Variants in CELF4 observed in about 807,000 individuals in gnomAD.
The protein encoded by CELF4 is CUG-BP- and ETR-3-like factor 4.
In CELF4, 18 loss-of-function variants were observed where a neutral mutation model predicts 59.9. That is an observed-to-expected ratio of 0.30 (90% CI 0.21 to 0.45). CELF4 has a LOEUF of 0.45. Among genes scored for constraint, CELF4 ranks in the 20% least tolerant of loss-of-function variants. CELF4 has a pLI of 1.00. For missense variants in CELF4, 456 were observed against 689.0 expected (o/e 0.66, Z 3.79); for synonymous variants, 261 against 267.1 (o/e 0.98, Z 0.22).
At chr18:37,381,214 C>T (rs984836044) in intron 2 of CELF4, among the ~76,000 whole-genome samples, 44 of 152,322 alleles carry the variant, frequency 2.9e-4, no homozygotes, top group African/African-American at 9.9e-4. Flanking sequence ...CCAGGCCGTA[C>T]ACTAGTACTG....
intron 2 of CELF4, among the ~76,000 whole-genome samples, chr18:37,408,496 G>GGC (rs2068998216): frequency 2.2e-4 from 4 of 18,040 alleles, no homozygotes; most frequent in Non-Finnish European, 1.1e-3. Flanking sequence ...TGGTGCCGGG[G>GGC]GGGGGCGCGG....
Position 37,270,765 on chromosome 18 carries a change from T to C in CELF4, c.1099+3A>G. The C allele has an allele frequency of 6.2e-7, 1 of 1,613,950 alleles. No homozygotes were observed. Among genetic ancestry groups the C allele is most frequent in the East Asian group, 2.2e-5 (1 of 44,870 alleles). ...GGAAATAAGTGCTGACAGATGTGCT[T>C]ACCTGGGTAGGGGTGGATGCCATTG... On this transcript the variant is annotated splice_donor_region_variant and intron_variant, in intron 8 of 12. Coordinates refer to ENST00000420428, the MANE Select transcript of CELF4 (RefSeq NM_020180.4).
intron 11 of CELF4, 92 bp downstream of exon 11, chr18:37,259,089 G>A (rs1325771775): frequency 1.9e-6 from 3 of 1,595,394 alleles, no homozygotes; most frequent in Admixed American, 3.5e-5. Flanking sequence ...CCTGTCCTAG[G>A]TGAAGCTAAT....
At chr18:37,346,183 C>G (rs2098251449) in intron 2 of CELF4, among the ~76,000 whole-genome samples, 1 of 152,202 alleles carries the variant, frequency 6.6e-6, no homozygotes, top group Admixed American at 6.5e-5. Flanking sequence ...TGCCTGCCCC[C>G]ACCTCCTCCA....
chr18:37,391,645 G>A (rs1211587369), intron 2 of CELF4, among the ~76,000 whole-genome samples: 1 of 152,214 alleles, frequency 6.6e-6, no homozygotes, highest in Admixed American at 6.5e-5. Context: ...ATGGCGACCA[G>A]GTCAGGGTCC....
intron 2 of CELF4, among the ~76,000 whole-genome samples, chr18:37,357,810 C>T (rs1215116104): frequency 6.6e-6 from 1 of 152,138 alleles, no homozygotes; most frequent in Non-Finnish European, 1.5e-5. Flanking sequence ...GAGTCAAAGG[C>T]GATCATTTTG....
Position 37,428,246 on chromosome 18 carries a change from G to C in CELF4, c.369+57279C>G, listed in dbSNP as rs964944700. Among the ~76,000 whole-genome samples the C allele has an allele frequency of 6.6e-5, 10 of 152,316 alleles. 1 individual carries two copies. The highest frequency in any genetic ancestry group is 6.8e-3 in the Middle Eastern group (2 of 294). On this transcript the variant is annotated intron_variant, in intron 2 of 12. Transcript: ENST00000420428. Reference sequence around the variant, plus strand: ...AAACAGGGAATAATCAGGGTGATGAGAGGAAAGTAAAAGATTTGGCCAGTG... The same window carrying C: ...AAACAGGGAATAATCAGGGTGATGACAGGAAAGTAAAAGATTTGGCCAGTG...
intron 2 of CELF4, among the ~76,000 whole-genome samples, chr18:37,442,394 C>T (rs983674367): frequency 6.6e-6 from 1 of 152,174 alleles, no homozygotes; most frequent in Non-Finnish European, 1.5e-5. Context: ...TACTTAAAAA[C>T]TAGATCTCAG....
At chr18:37,557,468 A>G (rs1049212984) in intron 1 of CELF4, among the ~76,000 whole-genome samples, 1 of 152,228 alleles carries the variant, frequency 6.6e-6, no homozygotes, top group African/African-American at 2.4e-5. Context: ...CCAACAGCTA[A>G]GAGGGAAGAA....
At chr18:37,249,011 G>C (rs1282396480) in intron 12 of CELF4, among the ~76,000 whole-genome samples, 1 of 152,102 alleles carries the variant, frequency 6.6e-6, no homozygotes, top group African/African-American at 2.4e-5. Flanking sequence ...GTGGATGAGG[G>C]GCAAAGAAGC....
At chr18:37,319,586 T>G (rs2097014929) in intron 3 of CELF4, among the ~76,000 whole-genome samples, 1 of 151,972 alleles carries the variant, frequency 6.6e-6, no homozygotes, top group Non-Finnish European at 1.5e-5. Flanking sequence ...GATGAAGGAG[T>G]GTTCTGAGCA....
At chr18:37,383,753 G>A (rs1320924445) in intron 2 of CELF4, among the ~76,000 whole-genome samples, 1 of 152,218 alleles carries the variant, frequency 6.6e-6, no homozygotes, top group East Asian at 1.9e-4. Context: ...GAGACCCAAA[G>A]GGGTGCTGTG....
chr18:37,558,013 T>TA (rs932810263), intron 1 of CELF4, among the ~76,000 whole-genome samples: 3 of 146,728 alleles, frequency 2.0e-5, no homozygotes, highest in African/African-American at 7.5e-5. Context: ...TTTTTTTTTT[T>TA]TTTTTTGAGA....
intron 1 of CELF4, among the ~76,000 whole-genome samples, chr18:37,532,656 A>T (rs2099970471): frequency 6.6e-6 from 1 of 152,122 alleles, no homozygotes. Flanking sequence ...AGGTCAGGTG[A>T]CATGGTGTTA....
chr18:37,447,336 C>T (rs2099750900), intron 2 of CELF4, among the ~76,000 whole-genome samples: 1 of 152,230 alleles, frequency 6.6e-6, no homozygotes, highest in African/African-American at 2.4e-5. Flanking sequence ...TATCTTGTTG[C>T]ATCCTCCCCA....
chr18:37,540,682 C>T (rs961339988), intron 1 of CELF4, among the ~76,000 whole-genome samples: 1 of 152,162 alleles, frequency 6.6e-6, no homozygotes, highest in East Asian at 1.9e-4. Context: ...CTCCCTGCTG[C>T]GTGGAATGCA....
At chr18:37,340,015 G>T (rs562481955) in intron 2 of CELF4, among the ~76,000 whole-genome samples, 2 of 152,182 alleles carry the variant, frequency 1.3e-5, no homozygotes, top group African/African-American at 2.4e-5. Context: ...TTATTAGCAC[G>T]GCTGCGTTAA....
At chr18:37,274,934 G>C in intron 4 of CELF4, 50 bp from the exon 5 acceptor site, 1 of 1,586,338 alleles carries the variant, frequency 6.3e-7, no homozygotes. Context: ...GGGCCAGGGA[G>C]GGGCCGGGAG....
chr18:37,379,507 C>CAAAAAAAAAA lies in CELF4; in HGVS notation c.370-57636_370-57627dup, dbSNP rs56250210. ...GGCATCACAAATAAGAGGCCATAAG[C>CAAAAAAAAAA]AAAAAAAAAAAAAAAAAAAAAAAAA... On this transcript the variant is annotated intron_variant, in intron 2 of 12. Transcript: ENST00000420428. 1.0e-3 allele frequency among the ~76,000 whole-genome samples: 46 copies of CAAAAAAAAAA among 45,650 alleles called. 2 individuals are homozygous for CAAAAAAAAAA. The highest frequency in any genetic ancestry group is 2.8e-3 in the Admixed American group (7 of 2,500). 29.9% of individuals were successfully genotyped at this position (45,650 alleles called of 152,430 possible).
Sources: allele counts gnomAD v4.1 joint callset (sites outside exome capture counted in the v4.1 genomes callset), GRCh38; gene constraint gnomAD v4.1.1; transcripts MANE v1.5; gene names NCBI Gene and HGNC (gene_info 2026-07-23, HGNC 2026-07-21).